Variants in GGT1 observed in about 807,000 individuals in gnomAD.
GGT1 encodes the protein glutathione hydrolase 1 proenzyme.
Under a neutral mutation model 56.0 loss-of-function variants are expected in GGT1, and 21 were observed. The observed-to-expected ratio is 0.38, with a 90% confidence interval of 0.27 to 0.54. The LOEUF is 0.54. Ranked by LOEUF, GGT1 falls within the 20% of genes least tolerant of loss-of-function variation. The pLI is 0.82. For missense variants in GGT1, 466 were observed against 787.0 expected (o/e 0.59, Z 4.88); for synonymous variants, 238 against 342.6 (o/e 0.69, Z 3.37).
intron 1 of GGT1, among the ~76,000 whole-genome samples, chr22:24,606,356 T>C (rs1807629): frequency 0.5 from 75,249 of 151,178 alleles, 21,588 homozygotes; most frequent in African/African-American, 0.8. Context: ...TCTCATTGTT[T>C]AATTCCAACC....
chr22:24,628,376 A>G lies in GGT1; in HGVS notation c.1551A>G (p.Arg517=). 6.2e-7 allele frequency: 1 copy of G among 1,611,066 alleles called. No homozygotes were observed. The highest frequency in any genetic ancestry group is 8.5e-7 in the Non-Finnish European group (1 of 1,179,856). ...QLLPNVTTVE[R]NIDQAVTAAL... ...TGCCCAACGTCACGACAGTGGAGAG[A>G]AACATTGACCAGGTGGGCCGGGGGT... The change falls in exon 15 of 16, where the codon AGA becomes AGG. Residue 517 remains arginine (R), a synonymous_variant. Transcript: ENST00000400382. The surrounding 1 kb of genome is among the most constrained non-coding windows in gnomAD (Gnocchi z 5.7).
intron 2 of GGT1, chr22:24,609,050 T>C (rs956878011): frequency 2.6e-5 from 4 of 152,214 alleles, no homozygotes; most frequent in African/African-American, 9.7e-5. Context: ...TCGGTGTCTC[T>C]ATCAGGAACC....
chr22:24,623,974 G>A, intron 11 of GGT1, 58 bp downstream of exon 11: 1 of 1,604,646 alleles, frequency 6.2e-7, no homozygotes, highest in Non-Finnish European at 8.5e-7. Flanking sequence ...GGCATCAGGT[G>A]GGCTCCCCAG....
chr22:24,586,914 T>C, the GGT1 span, among the ~76,000 whole-genome samples: 2 of 152,244 alleles, frequency 1.3e-5, no homozygotes, highest in African/African-American at 4.8e-5. Context: ...GACGTGGTTG[T>C]TGTGAGGATT....
At chr22:24,612,294 T>C (rs1020840323) in intron 5 of GGT1, among the ~76,000 whole-genome samples, 3 of 149,668 alleles carry the variant, frequency 2.0e-5, no homozygotes, top group Non-Finnish European at 3.0e-5. Flanking sequence ...TTCTTTCTTT[T>C]TTTTTATTTT....
At chr22:24,594,222 G>C (rs1192381849), upstream of GGT1, among the ~76,000 whole-genome samples, 1 of 152,158 alleles carries the variant, frequency 6.6e-6, no homozygotes, top group Non-Finnish European at 1.5e-5. Context: ...CCGGCTCTGG[G>C]ACGCTCACAT....
At position 24,624,055 on chromosome 22, in the gene GGT1, T is replaced by C. The variant is rs1017057157; in HGVS notation, c.1020+139T>C. On this transcript the variant is annotated intron_variant, in intron 11 of 15. Coordinates refer to ENST00000400382, the MANE Select transcript of GGT1 (RefSeq NM_001288833.2). ...AGACTTCGATTGCGGGCCTACTGTG[T>C]GCTCGGATGGACTCGTGGGTGACCC... 60 of 1,512,746 alleles carry C rather than the reference T, an allele frequency of 4.0e-5. No individual in the cohort carries two copies. The African/African-American group carries it at 6.9e-4, about 17-fold the overall frequency. The allele number at this position is 1,512,746 out of a possible 1,614,324, so 93.7% of individuals were successfully genotyped here. A position where few individuals can be genotyped will look rare whatever the true frequency, so the allele number is the denominator to read the frequency against.
At position 24,628,234 on chromosome 22, in the gene GGT1, C is replaced by T. The variant is rs1187923404; in HGVS notation, c.1449+41C>T. On this transcript the variant is annotated intron_variant, in intron 14 of 15. Transcript: ENST00000400382. This position sits in a 1 kb window ranked among gnomAD's most constrained non-coding sequence, Gnocchi z 5.7. Reference sequence around the variant, plus strand: ...TTTCTCCCTGGCCGTGCCCACCCTGCACAGCCCCCAAGCCATGCTGATCAC... The same window carrying T: ...TTTCTCCCTGGCCGTGCCCACCCTGTACAGCCCCCAAGCCATGCTGATCAC... The T allele has an allele frequency of 6.2e-7, 1 of 1,612,030 alleles. No individual in the cohort carries two copies. The highest frequency in any genetic ancestry group is 1.1e-5 in the South Asian group (1 of 90,992).
At chr22:24,611,603 A>G (rs1220519325) in intron 5 of GGT1, among the ~76,000 whole-genome samples, 1 of 145,670 alleles carries the variant, frequency 6.9e-6, no homozygotes, top group Non-Finnish European at 1.5e-5. Context: ...TCTATCTACT[A>G]TCTATCTATC....
intron 1 of GGT1, among the ~76,000 whole-genome samples, chr22:24,604,878 C>T (rs2045934793): frequency 6.7e-6 from 1 of 148,378 alleles, no homozygotes; most frequent in African/African-American, 2.5e-5. Flanking sequence ...TGCCAGGCTT[C>T]AGCTGTGCCC....
chr22:24,628,944 G>A lies in GGT1; in HGVS notation c.*105G>A, dbSNP rs2047951903. 6.4e-7 allele frequency: 1 copy of A among 1,562,440 alleles called. No homozygotes were observed. The highest frequency in any genetic ancestry group is 1.4e-5 in the African/African-American group (1 of 73,820). ...GGCTTCCCCTGTGAGCAGCAGAGCA[G>A]CACAATAAATGAGGCCACTGTGCCA... is the stretch of plus-strand genomic sequence containing the variant. On this transcript the variant is annotated 3_prime_UTR_variant, in exon 16 of 16. Transcript: ENST00000400382. This position sits in a 1 kb window ranked among gnomAD's most constrained non-coding sequence, Gnocchi z 5.7.
Position 24,627,422 on chromosome 22 carries a change from G to A in GGT1, c.1021-10G>A. The stretch of plus-strand genomic sequence containing the variant: ...CCCACCTCCTCAGGCCAGCTCTGGG[G>A]TCTCGGCAGGTGGTCCGCAACATGA... On this transcript the variant is annotated splice_polypyrimidine_tract_variant and intron_variant, in intron 11 of 15. Coordinates refer to ENST00000400382, the MANE Select transcript of GGT1 (RefSeq NM_001288833.2). 5 of 1,609,538 alleles carry A rather than the reference G, an allele frequency of 3.1e-6. No individual in the cohort carries two copies. Among genetic ancestry groups the A allele is most frequent in the Non-Finnish European group, 4.2e-6 (5 of 1,179,492 alleles).
At chr22:24,592,553 G>A, upstream of GGT1, 4 of 447,170 alleles carry the variant, frequency 8.9e-6, 1 homozygote, top group South Asian at 5.6e-5. Context: ...CCAGGCTACC[G>A]GGCCACCCTC....
At chr22:24,586,486 C>CAGTG in the GGT1 span, 4 of 1,460,868 alleles carry the variant, frequency 2.7e-6, no homozygotes, top group Non-Finnish European at 3.7e-6. Flanking sequence ...AGTGACCTGT[C>CAGTG]GGGAACAGCC....
chr22:24,590,320 T>G (rs536705040), upstream of GGT1, among the ~76,000 whole-genome samples: 1 of 152,190 alleles, frequency 6.6e-6, no homozygotes, highest in East Asian at 1.9e-4. Flanking sequence ...TTTGTAGAAA[T>G]GGGGTCTCAC....
At chr22:24,611,773 T>TTGTGTGTGTG (rs57600451) in intron 5 of GGT1, among the ~76,000 whole-genome samples, 109 of 131,018 alleles carry the variant, frequency 8.3e-4, no homozygotes, top group East Asian at 9.4e-4. Context: ...CCCAACAAAT[T>TTGTGTGTGTG]TGTGTGTGTG....
chr22:24,589,011 G>A, the GGT1 span: 2 of 1,021,182 alleles, frequency 2.0e-6, no homozygotes, highest in Admixed American at 5.8e-5. Flanking sequence ...GGAGCAGGCA[G>A]CACACACAGC....
chr22:24,614,927 G>A, intron 6 of GGT1, 21 bp downstream of exon 6: 1 of 1,611,558 alleles, frequency 6.2e-7, no homozygotes, highest in Non-Finnish European at 8.5e-7. Flanking sequence ...CGGGAGAGGA[G>A]AGGGAGAGGG....
chr22:24,594,462 C>G (rs2045657065), upstream of GGT1, among the ~76,000 whole-genome samples: 2 of 150,774 alleles, frequency 1.3e-5, no homozygotes, highest in Admixed American at 6.6e-5. Context: ...AGGTTCCTTC[C>G]TTTGGGTTAA....
Sources: allele counts gnomAD v4.1 joint callset (sites outside exome capture counted in the v4.1 genomes callset), GRCh38; gene constraint gnomAD v4.1.1; non-coding constraint Gnocchi (gnomAD v3.1); transcripts MANE v1.5; gene names NCBI Gene and HGNC (gene_info 2026-07-23, HGNC 2026-07-21).